Variants in AFF3 observed in about 807,000 individuals in gnomAD.
AFF3 encodes the protein ALF transcription elongation factor 3, also known as AF4/FMR2 family member 3.
In AFF3, 32 loss-of-function variants were observed where a neutral mutation model predicts 129.7. The observed-to-expected ratio is 0.25, with a 90% CI of 0.19 to 0.33. The LOEUF is 0.33. Ranked by LOEUF, AFF3 falls within the 10% of genes least tolerant of loss-of-function variation. The pLI is 1.00. For missense variants in AFF3, 1,373 were observed against 1,592.0 expected, an observed-to-expected ratio of 0.86 and a Z score of 2.34; for synonymous variants, 644 against 635.4, an observed-to-expected ratio of 1.01 and a Z score of -0.20.
chr2:99,923,541 G>A (rs999203872), intron 7 of AFF3, among the ~76,000 whole-genome samples: 3 of 152,256 alleles, frequency 2.0e-5, no homozygotes, highest in South Asian at 2.1e-4. Context: ...AAGGACCAAC[G>A]AAAGATGATC....
At chr2:99,709,735 C>T in intron 11 of AFF3, among the ~76,000 whole-genome samples, 1 of 152,082 alleles carries the variant, frequency 6.6e-6, no homozygotes, top group Non-Finnish European at 1.5e-5. Flanking sequence ...TCTTGTTTCA[C>T]CCTACTTATT....
chr2:99,684,484 A>T (rs1027321725), intron 11 of AFF3, among the ~76,000 whole-genome samples: 1 of 152,232 alleles, frequency 6.6e-6, no homozygotes, highest in Non-Finnish European at 1.5e-5. Flanking sequence ...AAACATCATA[A>T]GCAGATCGTA....
At chr2:99,714,929 C>G (rs111843802) in intron 11 of AFF3, among the ~76,000 whole-genome samples, 1 of 152,314 alleles carries the variant, frequency 6.6e-6, no homozygotes, top group African/African-American at 2.4e-5. Context: ...CTATATGACT[C>G]CAAGTTGCAC....
At chr2:99,551,671 A>C in intron 24 of AFF3, 76 bp from the exon 25 acceptor site, 1 of 1,565,290 alleles carries the variant, frequency 6.4e-7, no homozygotes. Flanking sequence ...TGTAAGGAAA[A>C]ATTCCATTCA....
chr2:100,060,016 G>A (rs772244991), intron 4 of AFF3, among the ~76,000 whole-genome samples: 4 of 151,990 alleles, frequency 2.6e-5, no homozygotes, highest in Non-Finnish European at 5.9e-5. Flanking sequence ...TGATCCACTC[G>A]TGTGCAGTTA....
rs968474010 is a variant in AFF3, at chr2:100,105,181, C to T, written c.-65+323G>A. 6 of 461,984 alleles carry T rather than the reference C, an allele frequency of 1.3e-5. No homozygotes were observed. The South Asian group carries it at 2.0e-4, about 15-fold the overall frequency. The allele number at this position is 461,984 out of a possible 1,614,324, so 28.6% of individuals were successfully genotyped here. A position where few individuals can be genotyped will look rare whatever the true frequency, so the allele number is the denominator to read the frequency against. On this transcript the variant is annotated intron_variant, in intron 3 of 24. Transcript: ENST00000672756. ...GCGCCCGGCCCCGCCCGGCCTTGCC[C>T]GGGCTGCACGCACTTCTCCCGCGGC...
chr2:99,883,345 C>T (rs1022531951), intron 7 of AFF3, among the ~76,000 whole-genome samples: 1 of 152,204 alleles, frequency 6.6e-6, no homozygotes, highest in African/African-American at 2.4e-5. Flanking sequence ...TTCTCACAGT[C>T]TGAATGTAGA....
chr2:99,936,700 T>G (rs909289421), intron 7 of AFF3, among the ~76,000 whole-genome samples: 1 of 152,278 alleles, frequency 6.6e-6, no homozygotes, highest in African/African-American at 2.4e-5. Context: ...CTCGGGCTCA[T>G]GGGGAGAAAT....
intron 13 of AFF3, among the ~76,000 whole-genome samples, chr2:99,633,547 C>T (rs546577565): frequency 6.6e-6 from 1 of 152,168 alleles, no homozygotes; most frequent in Non-Finnish European, 1.5e-5. Context: ...CCAACAAAAC[C>T]AGCATTGGAG....
At chr2:100,056,065 A>ACT (rs1448872414) in intron 4 of AFF3, among the ~76,000 whole-genome samples, 1 of 130,242 alleles carries the variant, frequency 7.7e-6, no homozygotes, top group African/African-American at 3.3e-5. Flanking sequence ...TCTCTCTCTC[A>ACT]CACACACACA....
chr2:100,110,388 C>T (rs1219605587), intron 2 of AFF3: 1 of 152,306 alleles, frequency 6.6e-6, no homozygotes, highest in Non-Finnish European at 1.5e-5. Context: ...GGACACTTAG[C>T]TTAGGTCTGG....
chr2:99,855,813 G>C (rs1006369103), intron 7 of AFF3, among the ~76,000 whole-genome samples: 4 of 152,306 alleles, frequency 2.6e-5, no homozygotes, highest in African/African-American at 9.6e-5. Context: ...TAATTCTGGA[G>C]TGGAGAAACC....
intron 4 of AFF3, among the ~76,000 whole-genome samples, chr2:100,064,470 A>G (rs58532646): frequency 0.012 from 1,898 of 152,364 alleles, 43 homozygotes; most frequent in African/African-American, 0.043. Flanking sequence ...TCTCATTAAC[A>G]TATTAATATT....
At chr2:99,684,029 G>T (rs147948321) in intron 11 of AFF3, among the ~76,000 whole-genome samples, 1 of 151,986 alleles carries the variant, frequency 6.6e-6, no homozygotes, top group Admixed American at 6.6e-5. Context: ...TTATAGTCAC[G>T]TGTGGGACAC....
chr2:100,072,171 T>C (rs1015629833), intron 4 of AFF3, among the ~76,000 whole-genome samples: 3 of 152,156 alleles, frequency 2.0e-5, no homozygotes, highest in East Asian at 1.9e-4. Context: ...TGTTAGGAAC[T>C]GGGCCGCACA....
intron 7 of AFF3, among the ~76,000 whole-genome samples, chr2:99,872,515 T>A (rs190477796): frequency 6.6e-6 from 1 of 151,896 alleles, no homozygotes; most frequent in African/African-American, 2.4e-5. Context: ...GGTCTCATTT[T>A]AAAAATATCC....
intron 8 of AFF3, among the ~76,000 whole-genome samples, chr2:99,799,410 G>C (rs1685769918): frequency 6.6e-6 from 1 of 151,906 alleles, no homozygotes; most frequent in East Asian, 1.9e-4. Context: ...TAAAGGAGAA[G>C]GGGGAGGGTA....
intron 1 of AFF3, among the ~76,000 whole-genome samples, chr2:100,134,783 T>C (rs1311251333): frequency 6.6e-6 from 1 of 152,212 alleles, no homozygotes; most frequent in Non-Finnish European, 1.5e-5. Flanking sequence ...CAGTAAACAG[T>C]TTATCTAAGA....
At chr2:99,569,983 G>A (rs1676327250) in intron 18 of AFF3, among the ~76,000 whole-genome samples, 1 of 152,206 alleles carries the variant, frequency 6.6e-6, no homozygotes, top group African/African-American at 2.4e-5. Context: ...GCTTAGAAAA[G>A]CAATGTGTGA....
Sources: allele counts gnomAD v4.1 joint callset (sites outside exome capture counted in the v4.1 genomes callset), GRCh38; gene constraint gnomAD v4.1.1; transcripts MANE v1.5; gene names NCBI Gene and HGNC (gene_info 2026-07-23, HGNC 2026-07-21).